Variants in ME1 observed in about 807,000 individuals in gnomAD.
ME1 encodes the protein NADP-dependent malic enzyme.
Under a neutral mutation model 66.4 loss-of-function variants are expected in ME1, and 74 were observed. The ratio of observed to expected loss-of-function variants is 1.11; its 90% CI spans 0.92 to 1.35. The LOEUF is 1.35. ME1 is among the 40% of genes most tolerant of loss of function. The probability of loss-of-function intolerance (pLI) is 0.00; values close to 1 mark genes in which losing one functional copy is unlikely to be tolerated. For synonymous variants in ME1, 251 were observed against 235.6 expected, an observed-to-expected ratio of 1.07 and a Z score of -0.60; for missense variants, 750 against 694.1, an observed-to-expected ratio of 1.08 and a Z score of -0.90.
chr6:83,423,479 T>G (rs778406198), intron 1 of ME1, among the ~76,000 whole-genome samples: 38 of 151,890 alleles, frequency 2.5e-4, no homozygotes, highest in Non-Finnish European at 4.6e-4. Flanking sequence ...CCTCTTAAAC[T>G]CTTTAAAATA....
intron 5 of ME1, among the ~76,000 whole-genome samples, chr6:83,319,156 G>T (rs1583377908): frequency 6.7e-6 from 1 of 148,882 alleles, no homozygotes; most frequent in South Asian, 2.2e-4. Context: ...ACTGTTGTGG[G>T]GTCAGGGGAG....
Position 83,431,041 on chromosome 6 carries a change from T to G in ME1, c.-87A>C. ...GCGGATGCTGCTGGGGTGACGGTGC[T>G]GACTGCAGCTGTGGCGGCGGCGGCC... On this transcript the variant is annotated 5_prime_UTR_variant, in exon 1 of 14. Coordinates refer to ENST00000369705, the MANE Select transcript of ME1 (RefSeq NM_002395.6). 2.5e-6 allele frequency: 2 copies of G among 789,722 alleles called. No homozygotes were observed. The highest frequency in any genetic ancestry group is 2.9e-5 in the South Asian group (1 of 33,962). 48.9% of individuals were successfully genotyped at this position (789,722 alleles called of 1,614,324 possible).
chr6:83,403,525 T>C (rs1769874906), intron 2 of ME1, among the ~76,000 whole-genome samples: 1 of 152,170 alleles, frequency 6.6e-6, no homozygotes, highest in African/African-American at 2.4e-5. Context: ...CTGGGATACA[T>C]GTGCAGAATG....
chr6:83,348,650 C>T (rs1381804158), intron 4 of ME1, among the ~76,000 whole-genome samples: 1 of 151,004 alleles, frequency 6.6e-6, no homozygotes, highest in Non-Finnish European at 1.5e-5. Flanking sequence ...TTTTTGATAG[C>T]TCATCTATGT....
At chr6:83,236,386 T>C (rs1320353351) in intron 9 of ME1, among the ~76,000 whole-genome samples, 1 of 152,166 alleles carries the variant, frequency 6.6e-6, no homozygotes, top group Admixed American at 6.5e-5. Flanking sequence ...TGAATACACA[T>C]AAAACAGCTT....
At chr6:83,260,135 T>G (rs142173054) in intron 6 of ME1, among the ~76,000 whole-genome samples, 2 of 151,370 alleles carry the variant, frequency 1.3e-5, no homozygotes, top group East Asian at 3.9e-4. Context: ...TCTAAAAGCA[T>G]CTATAGAATC....
chr6:83,356,989 CTT>C (rs1768902097), intron 3 of ME1, among the ~76,000 whole-genome samples: 1 of 152,152 alleles, frequency 6.6e-6, no homozygotes, highest in Admixed American at 6.5e-5. Flanking sequence ...TGTCAGGTCT[CTT>C]TGGTCAATCT....
intron 6 of ME1, among the ~76,000 whole-genome samples, chr6:83,263,549 G>T (rs1257665958): frequency 2.6e-5 from 4 of 152,014 alleles, no homozygotes; most frequent in African/African-American, 9.7e-5. Flanking sequence ...TTTTTTGGGA[G>T]TCTTTTGATA....
intron 5 of ME1, among the ~76,000 whole-genome samples, chr6:83,331,448 G>A (rs1020238306): frequency 5.3e-5 from 8 of 151,886 alleles, no homozygotes; most frequent in South Asian, 2.1e-4. Context: ...TTAGTCGGGC[G>A]TGGTGGTGGG....
At chr6:83,418,154 G>A (rs936615342) in intron 1 of ME1, among the ~76,000 whole-genome samples, 6 of 152,174 alleles carry the variant, frequency 3.9e-5, no homozygotes, top group African/African-American at 7.2e-5. Flanking sequence ...CTTTATGGGC[G>A]GTTGTGAAGC....
chr6:83,320,955 G>C (rs915308461), intron 5 of ME1, among the ~76,000 whole-genome samples: 1 of 152,102 alleles, frequency 6.6e-6, no homozygotes, highest in Non-Finnish European at 1.5e-5. Context: ...TGAGGTACCC[G>C]GTTCATCTCA....
intron 5 of ME1, among the ~76,000 whole-genome samples, chr6:83,320,465 T>A (rs1254450177): frequency 2.6e-5 from 4 of 152,332 alleles, no homozygotes; most frequent in African/African-American, 7.2e-5. Context: ...ACAAGTTATA[T>A]CATATAAATA....
At chr6:83,396,305 AGT>A in intron 3 of ME1, among the ~76,000 whole-genome samples, 1 of 152,296 alleles carries the variant, frequency 6.6e-6, no homozygotes, top group African/African-American at 2.4e-5. Flanking sequence ...CAAAGGTTGC[AGT>A]GTGCCAAGAT....
At chr6:83,412,204 T>G (rs899039418) in intron 1 of ME1, among the ~76,000 whole-genome samples, 1 of 152,116 alleles carries the variant, frequency 6.6e-6, no homozygotes, top group Admixed American at 6.5e-5. Flanking sequence ...TGACTTTTTT[T>G]CCCTGAAAAA....
intron 6 of ME1, among the ~76,000 whole-genome samples, chr6:83,284,895 G>A (rs1767367720): frequency 6.6e-6 from 1 of 152,072 alleles, no homozygotes; most frequent in African/African-American, 2.4e-5. Flanking sequence ...AAATAGGAAA[G>A]AAGAAGTAAA....
At chr6:83,316,436 G>A (rs2128539447) in intron 5 of ME1, among the ~76,000 whole-genome samples, 1 of 152,094 alleles carries the variant, frequency 6.6e-6, no homozygotes, top group African/African-American at 2.4e-5. Context: ...ACGCAATAAA[G>A]GACATCTATG....
intron 6 of ME1, among the ~76,000 whole-genome samples, chr6:83,281,964 T>TA (rs1321288009): frequency 1.3e-3 from 183 of 140,066 alleles, no homozygotes; most frequent in African/African-American, 3.5e-3. Context: ...TAATACAACT[T>TA]AAAAAAAAAA....
intron 5 of ME1, among the ~76,000 whole-genome samples, chr6:83,323,431 T>G (rs554976478): frequency 6.6e-5 from 10 of 151,374 alleles, no homozygotes; most frequent in Non-Finnish European, 1.3e-4. Context: ...AAGACACACA[T>G]AGGCTCAAAA....
chr6:83,214,831 C>G (rs1477873495), intron 13 of ME1, among the ~76,000 whole-genome samples: 2 of 152,120 alleles, frequency 1.3e-5, no homozygotes, highest in African/African-American at 2.4e-5. Context: ...TGATCTCCCT[C>G]TCTGAAGTTG....
Sources: gnomAD v4.1 joint callset for allele counts (sites outside exome capture counted in the v4.1 genomes callset) on GRCh38, gnomAD v4.1.1 for gene constraint, MANE v1.5 for transcripts, NCBI Gene and HGNC (gene_info 2026-07-23, HGNC 2026-07-21) for gene names.